Variants in PLCL2 observed in about 807,000 individuals in gnomAD.
PLCL2 encodes inactive phospholipase C-like protein 2.
Under a neutral mutation model 79.6 loss-of-function variants are expected in PLCL2, and 4 were observed. The ratio of observed to expected loss-of-function variants is 0.05; its 90% confidence interval spans 0.02 to 0.11. The LOEUF (loss-of-function observed/expected upper bound fraction) is 0.11, where lower values mean the gene tolerates loss of function less well. Among genes scored for constraint, PLCL2 ranks in the 10% least tolerant of loss-of-function variants. PLCL2 has a pLI of 1.00. For synonymous variants in PLCL2, 484 were observed against 457.7 expected (o/e 1.06, Z -0.73); for missense variants, 895 against 1,291.0 (o/e 0.69, Z 4.70).
At chr3:17,025,451 C>T (rs1469941839) in intron 3 of PLCL2, among the ~76,000 whole-genome samples, 1 of 152,138 alleles carries the variant, frequency 6.6e-6, no homozygotes, top group Non-Finnish European at 1.5e-5. Context: ...CCATGATGAG[C>T]TGCTCTATAT....
In PLCL2 at chr3:16,887,172, C is replaced by CA. The variant is rs1696245030; in HGVS notation, c.327+1811dup. Among the ~76,000 whole-genome samples the CA allele has an allele frequency of 2.0e-5, 3 of 152,272 alleles. No homozygotes were observed. The South Asian group carries it at 6.2e-4, about 32-fold the overall frequency. On this transcript the variant is annotated intron_variant, in intron 1 of 5. Transcript: ENST00000615277. The surrounding 1 kb of genome is among the most constrained non-coding windows in gnomAD (Gnocchi z 4.1). ...GCACATGGGGGAAATGATTAATGTT[C>CA]AAAAATCACTGATTTTAGAAATGAT...
At chr3:16,896,820 C>T (rs1048232882) in intron 1 of PLCL2, among the ~76,000 whole-genome samples, 2 of 152,130 alleles carry the variant, frequency 1.3e-5, no homozygotes, top group African/African-American at 4.8e-5. Context: ...GGGAAATAAT[C>T]TTCAGATGGG....
In PLCL2 at chr3:16,971,141, C is replaced by A. The variant is rs965260587; in HGVS notation, c.328-38533C>A. ...TTTAGACATGAAGTCCTTGCCCATGCCTATGTCCTGAATGGTAATGCCTAG... is the reference window on the plus strand; with the variant it reads ...TTTAGACATGAAGTCCTTGCCCATGACTATGTCCTGAATGGTAATGCCTAG... On this transcript the variant is annotated intron_variant, in intron 1 of 5. Transcript: ENST00000615277. 2.2e-3 allele frequency among the ~76,000 whole-genome samples: 326 copies of A among 151,250 alleles called. 1 individual carries two copies. The highest frequency in any genetic ancestry group is 8.4e-4 in the Non-Finnish European group (57 of 67,742).
intron 3 of PLCL2, among the ~76,000 whole-genome samples, chr3:17,038,842 G>C (rs988591101): frequency 2.6e-5 from 4 of 152,110 alleles, no homozygotes; most frequent in Non-Finnish European, 5.9e-5. Flanking sequence ...CTCTTCACTT[G>C]TGCAGTTGCC....
intron 1 of PLCL2, among the ~76,000 whole-genome samples, chr3:16,964,266 C>T (rs980339088): frequency 4.4e-4 from 66 of 148,838 alleles, no homozygotes; most frequent in African/African-American, 1.5e-3. Context: ...TGAGAACATG[C>T]GGTGTTTGGT....
rs139259596 is a variant in PLCL2 at position 16,970,058 on chromosome 3, A to ATTTT, written c.328-39615_328-39612dup. 4.5e-3 allele frequency among the ~76,000 whole-genome samples: 663 copies of ATTTT among 145,760 alleles called. 8 individuals carry two copies. Among genetic ancestry groups the ATTTT allele is most frequent in the East Asian group, 0.012 (63 of 5,056 alleles). ...TTGATTTATATATATATATATATAT[A>ATTTT]TTTTATTTTATTATTATTACACTTT... On this transcript the variant is annotated intron_variant, in intron 1 of 5. Coordinates refer to ENST00000615277, the MANE Select transcript of PLCL2 (RefSeq NM_001144382.2).
chr3:16,922,186 T>C (rs531696190), intron 1 of PLCL2, among the ~76,000 whole-genome samples: 24 of 152,308 alleles, frequency 1.6e-4, no homozygotes, highest in African/African-American at 5.5e-4. Context: ...AGGAAGAATT[T>C]CAGTATTCAG....
At chr3:16,912,624 C>A (rs572532118) in intron 1 of PLCL2, among the ~76,000 whole-genome samples, 2 of 152,276 alleles carry the variant, frequency 1.3e-5, no homozygotes, top group Middle Eastern at 6.8e-3. Flanking sequence ...CAACATTGCT[C>A]AAAAAGCCAG....
chr3:16,909,328 A>T (rs868224863), intron 1 of PLCL2, among the ~76,000 whole-genome samples: 12 of 152,346 alleles, frequency 7.9e-5, no homozygotes, highest in Middle Eastern at 3.4e-3. Context: ...TTTGTTGAGC[A>T]GATTGCATAT....
At chr3:16,891,557 G>T (rs1696350794) in intron 1 of PLCL2, among the ~76,000 whole-genome samples, 1 of 152,132 alleles carries the variant, frequency 6.6e-6, no homozygotes. Flanking sequence ...CAGTACAACT[G>T]CACACACATG....
intron 5 of PLCL2, 82 bp from the exon 6 acceptor site, chr3:17,089,651 T>C: frequency 1.2e-6 from 1 of 826,514 alleles, no homozygotes; most frequent in Non-Finnish European, 1.9e-6. Context: ...ATACTTCTAT[T>C]TCAGTGAAAG....
intron 1 of PLCL2, among the ~76,000 whole-genome samples, chr3:16,896,380 A>G (rs1327141057): frequency 6.6e-6 from 1 of 152,172 alleles, no homozygotes; most frequent in African/African-American, 2.4e-5. Flanking sequence ...TGAAAGCACA[A>G]AAGGAGCTGG....
chr3:16,924,618 A>G (rs1697201968), intron 1 of PLCL2, among the ~76,000 whole-genome samples: 1 of 152,190 alleles, frequency 6.6e-6, no homozygotes, highest in South Asian at 2.1e-4. Context: ...CGGCCCTAGC[A>G]AGTTAACCTT....
intron 4 of PLCL2, among the ~76,000 whole-genome samples, chr3:17,063,542 G>GAC (rs2064977179): frequency 1.3e-5 from 2 of 151,526 alleles, no homozygotes; most frequent in Admixed American, 1.3e-4. Context: ...CCTCCAGGGA[G>GAC]ACACAGGAGC....
intron 5 of PLCL2, 85 bp downstream of exon 5, chr3:17,068,150 T>C (rs144847533): frequency 0.011 from 8,187 of 740,412 alleles, 79 homozygotes; most frequent in Non-Finnish European, 0.014. Flanking sequence ...TTTCCTGCAT[T>C]GTACATGGTC....
chr3:16,952,632 A>G (rs911407813), intron 1 of PLCL2, among the ~76,000 whole-genome samples: 3 of 152,032 alleles, frequency 2.0e-5, no homozygotes, highest in African/African-American at 7.2e-5. Flanking sequence ...AAATTTGTAT[A>G]TAGTATGATC....
At chr3:17,001,064 A>C (rs1344513833) in intron 1 of PLCL2, among the ~76,000 whole-genome samples, 1 of 151,968 alleles carries the variant, frequency 6.6e-6, no homozygotes, top group Middle Eastern at 3.2e-3. Flanking sequence ...CTTCACATCT[A>C]CACCAGCTTT....
chr3:16,957,415 C>G (rs1299807873), intron 1 of PLCL2, among the ~76,000 whole-genome samples: 2 of 152,060 alleles, frequency 1.3e-5, no homozygotes, highest in East Asian at 3.9e-4. Context: ...AATTTCTGTT[C>G]TTTTACATTT....
chr3:16,963,169 G>C (rs962721805), intron 1 of PLCL2, among the ~76,000 whole-genome samples: 1 of 151,822 alleles, frequency 6.6e-6, no homozygotes, highest in African/African-American at 2.4e-5. Flanking sequence ...AAAAAATTTT[G>C]ATTATTTAGT....
Sources: allele counts gnomAD v4.1 joint callset (sites outside exome capture counted in the v4.1 genomes callset), GRCh38; gene constraint gnomAD v4.1.1; non-coding constraint Gnocchi (gnomAD v3.1); transcripts MANE v1.5; gene names NCBI Gene and HGNC (gene_info 2026-07-23, HGNC 2026-07-21).